MYH7: variants seen among roughly 807,000 people sequenced by gnomAD.
MYH7 encodes myosin-7.
MYH7 carries 129 observed loss-of-function variants against 225.4 expected under a neutral mutation model. That is an observed-to-expected ratio of 0.57 (90% CI 0.50 to 0.66). The LOEUF (loss-of-function observed/expected upper bound fraction) is 0.66, where lower values mean the gene tolerates loss of function less well. MYH7 is among the 30% of genes least tolerant of loss of function. The pLI is 0.00. For missense variants in MYH7, 1,649 were observed against 2,517.0 expected, an observed-to-expected ratio of 0.66 and a Z score of 7.38; for synonymous variants, 971 against 1,007.6, an observed-to-expected ratio of 0.96 and a Z score of 0.69.
Position 23,431,010 on chromosome 14 carries a change from G to A in MYH7, c.797-11C>T. 6.3e-7 allele frequency: 1 copy of A among 1,586,828 alleles called. No individual in the cohort carries two copies. The highest frequency in any genetic ancestry group is 1.7e-4 in the Middle Eastern group (1 of 6,028). On this transcript the variant is annotated splice_polypyrimidine_tract_variant and intron_variant, in intron 9 of 39. Coordinates refer to ENST00000355349, the MANE Select transcript of MYH7 (RefSeq NM_000257.4). ...ATTTTTCCAGAAGATCTGTGAACAG[G>A]TGGGGAGAAGAAGGAGAGAAAGAAA... is the stretch of plus-strand genomic sequence containing the variant.
At chr14:23,421,354 CT>C (rs1892467996) in intron 25 of MYH7, among the ~76,000 whole-genome samples, 1 of 152,168 alleles carries the variant, frequency 6.6e-6, no homozygotes, top group African/African-American at 2.4e-5. Flanking sequence ...TTCAAAGGTC[CT>C]TTTTAGCTCT....
intron 23 of MYH7, 89 bp downstream of exon 23, chr14:23,423,818 G>C: frequency 1.2e-6 from 2 of 1,613,310 alleles, no homozygotes; most frequent in South Asian, 1.1e-5. Context: ...GCTGCTCTCT[G>C]GATGCCGAGT....
chr14:23,431,346 A>T, intron 9 of MYH7, 72 bp downstream of exon 9: 1 of 1,443,494 alleles, frequency 6.9e-7, no homozygotes, highest in Non-Finnish European at 9.7e-7. Context: ...GGGGAGAGAG[A>T]GAGAGGTCAA....
rs1555338342 is a variant in MYH7 at position 23,429,102 on chromosome 14, C to T, written c.1260G>A (p.Val420=). The T allele has an allele frequency of 6.2e-7, 1 of 1,614,236 alleles. No homozygotes were observed. The highest frequency in any genetic ancestry group is 8.5e-7 in the Non-Finnish European group (1 of 1,180,044). ...YVTKGQNVQQ[V]IYATGALAKA... ...TGGCCAGTGCCCCAGTGGCATATATCACCTGCAAGGTGGAGGAGAGACCCA... is the reference window on the plus strand; with the variant it reads ...TGGCCAGTGCCCCAGTGGCATATATTACCTGCAAGGTGGAGGAGAGACCCA... Residue 420 remains valine (V), a splice_region_variant and synonymous_variant, in exon 14 of 40, where the codon GTG becomes GTA. Coordinates refer to ENST00000355349, the MANE Select transcript of MYH7 (RefSeq NM_000257.4).
rs760187215 is a variant in MYH7 at position 23,431,859 on chromosome 14, C to T, written c.541G>A (p.Gly181Arg). 4.3e-6 allele frequency: 7 copies of T among 1,614,232 alleles called. No homozygotes were observed. Among genetic ancestry groups the T allele is most frequent in the South Asian group, 1.1e-5 (1 of 91,092 alleles). ...TTGGTGTTGACTGTCTTCCCTGCTC[C>T]GGATTCTCCGCTGTGAAGACAGGGG... The part of the protein sequence containing the change: ...NQSILITGES[G>R]AGKTVNTKRV... Residue 181 changes from glycine (G) to arginine (R), a missense_variant, in exon 7 of 40, where the codon GGA (glycine) becomes AGA (arginine). Physicochemically the swap from Gly to Arg is moderately radical, Grantham distance 125 (BLOSUM62 -2). Coordinates refer to ENST00000355349, the MANE Select transcript of MYH7 (RefSeq NM_000257.4).
chr14:23,413,956 A>T, intron 38 of MYH7, 51 bp downstream of exon 38: 1 of 1,614,018 alleles, frequency 6.2e-7, no homozygotes, highest in Non-Finnish European at 8.5e-7. Context: ...GGCTTGGGGG[A>T]CGAGCTCTCC....
In MYH7 at chr14:23,425,185, C is replaced by G; in HGVS notation, c.2423+97G>C. On this transcript the variant is annotated intron_variant, in intron 21 of 39. Coordinates refer to ENST00000355349, the MANE Select transcript of MYH7 (RefSeq NM_000257.4). This position sits in a 1 kb window ranked among gnomAD's most constrained non-coding sequence, Gnocchi z 4.6. ...TCATATGAGCCCCTCCTGCAGGTCT[C>G]TGTGTTTGAAGATCTGCTGAGCTTT... The G allele has an allele frequency of 1.2e-6, 2 of 1,605,784 alleles. No homozygotes were observed. The highest frequency in any genetic ancestry group is 1.7e-6 in the Non-Finnish European group (2 of 1,173,598).
Position 23,434,224 on chromosome 14 carries a change from G to A in MYH7, c.-39C>T. The stretch of plus-strand genomic sequence containing the variant: ...CTACTCAAGTGTGTCTACAGATGAG[G>A]AAAGGGGCCAAGGCCTGCAGGGGAC... On this transcript the variant is annotated 5_prime_UTR_variant, in exon 2 of 40. Transcript: ENST00000355349. 1 of 1,024,346 alleles carries A rather than the reference G, an allele frequency of 9.8e-7. No individual in the cohort carries two copies. The highest frequency in any genetic ancestry group is 1.2e-6 in the Non-Finnish European group (1 of 852,514). The allele number at this position is 1,024,346 out of a possible 1,614,324, so 63.5% of individuals were successfully genotyped here. A position where few individuals can be genotyped will look rare whatever the true frequency, so the allele number is the denominator to read the frequency against.
chr14:23,424,129 A>G lies in MYH7; in HGVS notation c.2700T>C (p.Asp900=). 2 of 1,614,196 alleles carry G rather than the reference A, an allele frequency of 1.2e-6. No individual in the cohort carries two copies. Among genetic ancestry groups the G allele is most frequent in the Non-Finnish European group, 1.7e-6 (2 of 1,180,044 alleles). ...TCAGCTGATCACAGCGCTCCTCAGC[A>G]TCTGCCAGGTTGTCTTGTTCCTGAA... ...QVQAEQDNLA[D]AEERCDQLIK... is the part of the protein sequence containing the mutation. Residue 900 remains aspartate (D), a synonymous_variant, in exon 23 of 40, where the codon GAT becomes GAC. Transcript: ENST00000355349.
In MYH7 at chr14:23,429,280, A is replaced by C; in HGVS notation, c.1206T>G (p.Pro402=). 1 of 1,614,184 alleles carries C rather than the reference A, an allele frequency of 6.2e-7. No homozygotes were observed. Among genetic ancestry groups the C allele is most frequent in the Non-Finnish European group, 8.5e-7 (1 of 1,180,036 alleles). ...SADLLKGLCH[P]RVKVGNEYVT... ...CGTACTCATTGCCCACTTTCACCCG[A>C]GGGTGGCACAGCCCCTTGAGCAGGT... The change falls in exon 13 of 40, where the codon CCT becomes CCG. Residue 402 remains proline, a synonymous_variant. Transcript: ENST00000355349.
At chr14:23,420,899 G>T (rs1438720145) in intron 26 of MYH7, 59 bp downstream of exon 26, 2 of 1,295,364 alleles carry the variant, frequency 1.5e-6, no homozygotes, top group Non-Finnish European at 2.2e-6. Flanking sequence ...AGAGGAGGGG[G>T]CAGGGGAAAC....
At chr14:23,434,782 G>C (rs1403666792) in intron 1 of MYH7, among the ~76,000 whole-genome samples, 1 of 152,114 alleles carries the variant, frequency 6.6e-6, no homozygotes, top group Non-Finnish European at 1.5e-5. Flanking sequence ...GTCAGACTTT[G>C]TGGACATTCT....
At chr14:23,419,131 C>A (rs1032223729) in intron 29 of MYH7, 46 bp downstream of exon 29, 10 of 1,506,708 alleles carry the variant, frequency 6.6e-6, no homozygotes, top group South Asian at 2.3e-5. Flanking sequence ...CAAGGCTAGT[C>A]AGTGTGCTCC....
intron 1 of MYH7, among the ~76,000 whole-genome samples, 165 bp downstream of exon 1, chr14:23,435,455 T>C (rs1310066124): frequency 6.6e-6 from 1 of 151,968 alleles, no homozygotes; most frequent in Non-Finnish European, 1.5e-5. Context: ...CCCTAGGAAC[T>C]CCTGTGGCAC....
At chr14:23,435,399 C>CACACA (rs1566539747) in intron 1 of MYH7, among the ~76,000 whole-genome samples, 1 of 150,262 alleles carries the variant, frequency 6.7e-6, no homozygotes, top group Non-Finnish European at 1.5e-5. Flanking sequence ...CACACACACA[C>CACACA]CCTGTAATGC....
chr14:23,427,009 T>A, intron 17 of MYH7, 145 bp from the exon 18 acceptor site: 1 of 860,662 alleles, frequency 1.2e-6, no homozygotes, highest in South Asian at 1.4e-5. Context: ...CAGACAGGGA[T>A]AAGGAGAGAG....
intron 24 of MYH7, 63 bp downstream of exon 24, chr14:23,423,484 C>CAG: frequency 1.4e-6 from 2 of 1,426,026 alleles, no homozygotes; most frequent in African/African-American, 1.6e-5. Flanking sequence ...CACACACACA[C>CAG]ACAGAGCTCT....
rs771626451 is a variant in MYH7 at position 23,415,361 on chromosome 14, C to A, written c.5283+20G>T. 1.9e-6 allele frequency: 3 copies of A among 1,614,072 alleles called. No homozygotes were observed. In the African/African-American group the frequency reaches 4.0e-5, roughly 22 times the overall value. ...GGAGAGACACTGGTCTGGATCGGGT[C>A]GGTGGAGTGGGGGACTTACATCCGT... On this transcript the variant is annotated intron_variant, in intron 36 of 39. Coordinates refer to ENST00000355349, the MANE Select transcript of MYH7 (RefSeq NM_000257.4). This position sits in a 1 kb window ranked among gnomAD's most constrained non-coding sequence, Gnocchi z 6.3.
intron 26 of MYH7, 88 bp downstream of exon 26, chr14:23,420,870 G>GTC: frequency 1.0e-6 from 1 of 971,444 alleles, no homozygotes; most frequent in South Asian, 1.3e-5. Flanking sequence ...TTCCTGTAAT[G>GTC]CTGTGAACAG....
Sources: gnomAD v4.1 joint callset for allele counts (sites outside exome capture counted in the v4.1 genomes callset) on GRCh38, gnomAD v4.1.1 for gene constraint, Gnocchi (gnomAD v3.1) non-coding constraint, MANE v1.5 for transcripts, NCBI Gene and HGNC (gene_info 2026-07-23, HGNC 2026-07-21) for gene names.